Variants in KCTD8 observed in about 807,000 individuals in gnomAD.
The protein encoded by KCTD8 is BTB/POZ domain-containing protein KCTD8.
A neutral mutation model predicts 31.5 loss-of-function variants in KCTD8; 27 were observed. The observed-to-expected ratio is 0.86, with a 90% CI of 0.63 to 1.18. The LOEUF (loss-of-function observed/expected upper bound fraction) is 1.18, where lower values mean the gene tolerates loss of function less well. Ranked by LOEUF, KCTD8 falls within the 50% of genes most tolerant of loss-of-function variation. The probability of loss-of-function intolerance (pLI) is 0.00; values close to 1 mark genes in which losing one functional copy is unlikely to be tolerated. For missense variants in KCTD8, 658 were observed against 647.7 expected (o/e 1.02, Z -0.17); for synonymous variants, 290 against 280.0 (o/e 1.04, Z -0.36).
chr4:44,286,720 A>T (rs1170400819), intron 1 of KCTD8, among the ~76,000 whole-genome samples: 4 of 152,130 alleles, frequency 2.6e-5, no homozygotes, highest in Admixed American at 6.6e-5. Flanking sequence ...TAGGGAAGTG[A>T]CATGATCTTC....
intron 1 of KCTD8, among the ~76,000 whole-genome samples, chr4:44,316,043 C>A (rs1208751859): frequency 6.6e-6 from 1 of 152,092 alleles, no homozygotes; most frequent in Non-Finnish European, 1.5e-5. Flanking sequence ...CTCCATCTAG[C>A]ACTCCTTTTG....
rs1452702926 is a variant in KCTD8, at chr4:44,270,743, T to A, written c.962-95493A>T. On this transcript the variant is annotated intron_variant, in intron 1 of 1. Transcript: ENST00000360029. ...ACCATGCTATCCCCAATAACTTTAC[T>A]TTACGAAATGTATTTAGATATACGT... 2.6e-5 allele frequency among the ~76,000 whole-genome samples: 4 copies of A among 152,112 alleles called. 1 individual carries two copies. In the East Asian group the frequency reaches 5.8e-4, roughly 22 times the overall value.
chr4:44,206,279 C>G (rs1424091144), intron 1 of KCTD8, among the ~76,000 whole-genome samples: 3 of 151,966 alleles, frequency 2.0e-5, no homozygotes, highest in Non-Finnish European at 4.4e-5. Flanking sequence ...TACACGGTAA[C>G]CAGGTGACCC....
chr4:44,368,848 T>C (rs914210931), intron 1 of KCTD8, among the ~76,000 whole-genome samples: 1 of 152,158 alleles, frequency 6.6e-6, no homozygotes, highest in Non-Finnish European at 1.5e-5. Flanking sequence ...CTATAATCAT[T>C]AAGAAAATAC....
chr4:44,378,018 G>A (rs375867070), intron 1 of KCTD8, among the ~76,000 whole-genome samples: 76 of 151,562 alleles, frequency 5.0e-4, no homozygotes, highest in African/African-American at 1.5e-3. Flanking sequence ...GAGATCGCCC[G>A]TATGTAAAGT....
intron 1 of KCTD8, among the ~76,000 whole-genome samples, chr4:44,340,632 G>A (rs1361745483): frequency 6.6e-6 from 1 of 151,880 alleles, no homozygotes; most frequent in Non-Finnish European, 1.5e-5. Context: ...TTTAAAGATC[G>A]ATAGTTAAAC....
At chr4:44,377,793 C>T (rs1313534730) in intron 1 of KCTD8, among the ~76,000 whole-genome samples, 4 of 152,140 alleles carry the variant, frequency 2.6e-5, no homozygotes, top group Non-Finnish European at 5.9e-5. Flanking sequence ...GTAGTGTGGA[C>T]TTGTTATCTC....
chr4:44,354,133 T>C (rs1719284645), intron 1 of KCTD8, among the ~76,000 whole-genome samples: 1 of 152,174 alleles, frequency 6.6e-6, no homozygotes, highest in African/African-American at 2.4e-5. Flanking sequence ...TCTACCAATC[T>C]TTTTTCAAAT....
At chr4:44,258,768 T>C (rs1716067979) in intron 1 of KCTD8, among the ~76,000 whole-genome samples, 1 of 151,920 alleles carries the variant, frequency 6.6e-6, no homozygotes, top group African/African-American at 2.4e-5. Flanking sequence ...GCTACTTATA[T>C]TAACATATGA....
chr4:44,387,644 G>A (rs1472479506), intron 1 of KCTD8, among the ~76,000 whole-genome samples: 1 of 151,910 alleles, frequency 6.6e-6, no homozygotes, highest in African/African-American at 2.4e-5. Context: ...TTAATAAATG[G>A]TGCTGAGATT....
At chr4:44,410,920 C>T (rs4695718) in intron 1 of KCTD8, among the ~76,000 whole-genome samples, 119,894 of 152,024 alleles carry the variant, frequency 0.79, 48,460 homozygotes, top group South Asian at 0.9. Flanking sequence ...TTTCCCAAGA[C>T]AGTTCTGTAA....
chr4:44,448,404 C>A lies in KCTD8; in HGVS notation c.120G>T (p.Ser40=), dbSNP rs1296148309. 3 of 1,574,434 alleles carry A rather than the reference C, an allele frequency of 1.9e-6. No homozygotes were observed. The highest frequency in any genetic ancestry group is 2.6e-6 in the Non-Finnish European group (3 of 1,165,356). The stretch of plus-strand genomic sequence containing the variant: ...TCAGCTCCACTACTTCAGGGAAGGG[C>A]GAGGGTGCGCAGGGCCCCGGGGCGG... ...AAAAPGPCAP[S]PFPEVVELNV... Residue 40 remains serine (S), a synonymous_variant, in exon 1 of 2, where the codon TCG becomes TCT. Transcript: ENST00000360029. This position sits in a 1 kb window ranked among gnomAD's most constrained non-coding sequence, Gnocchi z 4.1.
At chr4:44,305,928 A>G (rs143211931) in intron 1 of KCTD8, among the ~76,000 whole-genome samples, 60 of 152,030 alleles carry the variant, frequency 3.9e-4, no homozygotes, top group African/African-American at 1.4e-3. Flanking sequence ...ATAAATATTT[A>G]TCAATATTTA....
intron 1 of KCTD8, among the ~76,000 whole-genome samples, chr4:44,344,991 C>A (rs1483825353): frequency 2.0e-5 from 3 of 151,902 alleles, no homozygotes; most frequent in Non-Finnish European, 4.4e-5. Context: ...TTTCTTTGTT[C>A]TTTCATCAAG....
intron 1 of KCTD8, among the ~76,000 whole-genome samples, chr4:44,212,827 T>C (rs778411383): frequency 1.3e-5 from 2 of 152,222 alleles, no homozygotes; most frequent in Non-Finnish European, 2.9e-5. Context: ...TCCATTTATA[T>C]TTATTGTGAT....
At chr4:44,400,917 G>C (rs989143175) in intron 1 of KCTD8, among the ~76,000 whole-genome samples, 3 of 151,108 alleles carry the variant, frequency 2.0e-5, no homozygotes, top group African/African-American at 7.3e-5. Flanking sequence ...GCTCACCACA[G>C]CCTTGAACTC....
intron 1 of KCTD8, among the ~76,000 whole-genome samples, chr4:44,443,766 G>GAAAT (rs1428202766): frequency 6.6e-6 from 1 of 151,924 alleles, no homozygotes; most frequent in Admixed American, 6.6e-5. Flanking sequence ...CTGATTATGA[G>GAAAT]AAAGAAAACA....
At chr4:44,424,705 T>C (rs993534940) in intron 1 of KCTD8, among the ~76,000 whole-genome samples, 2 of 152,022 alleles carry the variant, frequency 1.3e-5, no homozygotes, top group Non-Finnish European at 2.9e-5. Context: ...ATGAAAATGA[T>C]ATAAACCCTA....
intron 1 of KCTD8, among the ~76,000 whole-genome samples, chr4:44,358,115 C>T (rs1719392975): frequency 6.6e-6 from 1 of 150,608 alleles, no homozygotes; most frequent in Non-Finnish European, 1.5e-5. Flanking sequence ...TCTCAATCTT[C>T]AACTCCCACT....
Sources: gnomAD v4.1 joint callset for allele counts (sites outside exome capture counted in the v4.1 genomes callset) on GRCh38, gnomAD v4.1.1 for gene constraint, Gnocchi (gnomAD v3.1) non-coding constraint, MANE v1.5 for transcripts, NCBI Gene and HGNC (gene_info 2026-07-23, HGNC 2026-07-21) for gene names.